The following ANOS1 variants were observed in gnomAD, a reference collection of about 807,000 sequenced individuals.
ANOS1 encodes anosmin-1.
A neutral mutation model predicts 59.0 loss-of-function variants in ANOS1; 6 were observed. The ratio of observed to expected loss-of-function variants is 0.10; its 90% CI spans 0.06 to 0.20. ANOS1 has a LOEUF of 0.20. Ranked by LOEUF, ANOS1 falls within the 10% of genes least tolerant of loss-of-function variation. The pLI is 1.00. For synonymous variants in ANOS1, 217 were observed against 223.4 expected (o/e 0.97, Z 0.25); for missense variants, 433 against 542.3 (o/e 0.80, Z 2.00).
chrX:8,663,006 C>G (rs1461864298), intron 2 of ANOS1, among the ~76,000 whole-genome samples: 2 of 111,060 alleles, frequency 1.8e-5, no homozygotes, highest in African/African-American at 6.6e-5. Flanking sequence ...AAGAGTGAAA[C>G]TCTGTCTCAA....
intron 2 of ANOS1, among the ~76,000 whole-genome samples, chrX:8,675,152 T>C (rs1363336046): frequency 9.0e-6 from 1 of 111,420 alleles, no homozygotes; most frequent in Non-Finnish European, 1.9e-5. Context: ...AAATGAACTT[T>C]GCAAAATCCC....
intron 1 of ANOS1, among the ~76,000 whole-genome samples, chrX:8,713,672 A>ACGCGAT (rs1221338837): frequency 1.9e-5 from 2 of 106,121 alleles, no homozygotes; most frequent in Admixed American, 2.0e-4. Flanking sequence ...GAGTGCAACG[A>ACGCGAT]CGCGATCTCA....
At chrX:8,661,905 C>A (rs924589771) in intron 2 of ANOS1, among the ~76,000 whole-genome samples, 2 of 111,450 alleles carry the variant, frequency 1.8e-5, no homozygotes, top group Non-Finnish European at 3.8e-5. Context: ...CACATCCTCT[C>A]GGGGAAACTG....
chrX:8,590,269 A>G (rs1036370830), intron 4 of ANOS1, among the ~76,000 whole-genome samples: 1 of 111,670 alleles, frequency 9.0e-6, no homozygotes, highest in African/African-American at 3.3e-5. Context: ...TTTGTCACAG[A>G]TATTATCTTT....
rs746715826 is a variant in ANOS1, at chrX:8,676,746, T to C, written c.255+22952A>G. 4.1e-3 allele frequency among the ~76,000 whole-genome samples: 463 copies of C among 111,989 alleles called. 5 individuals carry two copies. Among genetic ancestry groups the C allele is most frequent in the African/African-American group, 0.015 (447 of 30,816 alleles). ...TCTCACCTGTAATAAACAGAGAGCT[T>C]CTCTGTTTTACAGTGTTACAAAATT... is the stretch of plus-strand genomic sequence containing the variant. On this transcript the variant is annotated intron_variant, in intron 2 of 13. Coordinates refer to ENST00000262648, the MANE Select transcript of ANOS1 (RefSeq NM_000216.4).
At chrX:8,633,471 C>CCTT (rs1931523255) in intron 2 of ANOS1, among the ~76,000 whole-genome samples, 1 of 111,782 alleles carries the variant, frequency 8.9e-6, no homozygotes, top group African/African-American at 3.3e-5. Flanking sequence ...ACAAAGCATA[C>CCTT]CTTCTTTGCA....
At position 8,568,393 on chromosome X, in the gene ANOS1, T is replaced by A; in HGVS notation, c.1063-17A>T. 2 of 1,200,391 alleles carry A rather than the reference T, an allele frequency of 1.7e-6. No homozygotes were observed. The highest frequency in any genetic ancestry group is 3.5e-5 in the African/African-American group (2 of 57,561). On this transcript the variant is annotated splice_polypyrimidine_tract_variant and intron_variant, in intron 7 of 13. Coordinates refer to ENST00000262648, the MANE Select transcript of ANOS1 (RefSeq NM_000216.4). ...ATTTTGAAACTAGAAATTAAGAGAA[T>A]ATACCCAAAATGCGTTACAAACCTT...
intron 9 of ANOS1, among the ~76,000 whole-genome samples, chrX:8,552,713 TTA>T (rs1273276009): frequency 9.0e-6 from 1 of 111,234 alleles, no homozygotes; most frequent in Non-Finnish European, 1.9e-5. Flanking sequence ...TTTTATTACA[TTA>T]TGTTTAAAAT....
chrX:8,657,615 C>T (rs772934267), intron 2 of ANOS1, among the ~76,000 whole-genome samples: 10 of 109,514 alleles, frequency 9.1e-5, no homozygotes, highest in Non-Finnish European at 1.1e-4. Context: ...ATTACAGGCA[C>T]GTGCCACCAC....
chrX:8,591,715 C>T (rs1041218108), intron 4 of ANOS1, among the ~76,000 whole-genome samples: 1 of 112,258 alleles, frequency 8.9e-6, no homozygotes, highest in Non-Finnish European at 1.9e-5. Context: ...CAGCGCTCTA[C>T]TGTAATTGTG....
chrX:8,713,694 C>T (rs1932825651), intron 1 of ANOS1, among the ~76,000 whole-genome samples: 2 of 109,443 alleles, frequency 1.8e-5, no homozygotes, highest in South Asian at 8.1e-4. Flanking sequence ...CTCACTGCAA[C>T]CTCCGCCTCC....
At chrX:8,656,159 C>T (rs933494239) in intron 2 of ANOS1, among the ~76,000 whole-genome samples, 1 of 112,595 alleles carries the variant, frequency 8.9e-6, no homozygotes. Flanking sequence ...ACCTGCACAT[C>T]TCCACTTCAT....
chrX:8,583,095 G>A (rs1056386246), intron 6 of ANOS1, among the ~76,000 whole-genome samples: 2 of 107,639 alleles, frequency 1.9e-5, no homozygotes, highest in African/African-American at 3.4e-5. Flanking sequence ...ATCATTTGTC[G>A]ATCACTGTGA....
intron 2 of ANOS1, among the ~76,000 whole-genome samples, chrX:8,694,690 A>C (rs1932657457): frequency 8.9e-6 from 1 of 112,059 alleles, no homozygotes; most frequent in African/African-American, 3.2e-5. Context: ...AATAAAAGTA[A>C]TGTACATTGT....
At chrX:8,555,225 A>C (rs1196024347) in intron 8 of ANOS1, among the ~76,000 whole-genome samples, 1 of 111,769 alleles carries the variant, frequency 8.9e-6, no homozygotes, top group Non-Finnish European at 1.9e-5. Context: ...GACACAGCTA[A>C]AGCAGCGTTT....
intron 2 of ANOS1, among the ~76,000 whole-genome samples, chrX:8,693,457 C>G (rs1371093325): frequency 9.0e-6 from 1 of 111,301 alleles, no homozygotes; most frequent in Non-Finnish European, 1.9e-5. Flanking sequence ...TATTTCCATC[C>G]CAGAGTACCA....
intron 8 of ANOS1, 60 bp downstream of exon 8, chrX:8,568,169 CTTG>C: frequency 1.8e-6 from 2 of 1,128,410 alleles, no homozygotes; most frequent in Non-Finnish European, 2.4e-6. Flanking sequence ...TCCATTGTGC[CTTG>C]TTGTGATATG....
Position 8,532,335 on chromosome X carries a change from G to T in ANOS1, c.*660C>A, listed in dbSNP as rs1200075469. The T allele has an allele frequency of 8.9e-6, 1 of 112,009 alleles. No homozygotes were observed. Among genetic ancestry groups the T allele is most frequent in the African/African-American group, 3.2e-5 (1 of 30,903 alleles). 9.2% of individuals were successfully genotyped at this position (112,009 alleles called of 1,213,427 possible). A position where few individuals can be genotyped will look rare whatever the true frequency, so the allele number is the denominator to read the frequency against. On this transcript the variant is annotated 3_prime_UTR_variant, in exon 14 of 14. Coordinates refer to ENST00000262648, the MANE Select transcript of ANOS1 (RefSeq NM_000216.4). The stretch of plus-strand genomic sequence containing the variant: ...TCTGATTAGCAGCTTATTTCATTGA[G>T]TTCCTCTGGCTTGGGTGTCTTTTGT...
At chrX:8,700,882 G>A (rs5978945) in intron 1 of ANOS1, among the ~76,000 whole-genome samples, 40,741 of 109,905 alleles carry the variant, frequency 0.37, 5,649 homozygotes, top group East Asian at 0.61. Context: ...GGTGGCACAC[G>A]CCTGTAATCC....
Sources: allele counts gnomAD v4.1 joint callset (sites outside exome capture counted in the v4.1 genomes callset), GRCh38; gene constraint gnomAD v4.1.1; transcripts MANE v1.5; gene names NCBI Gene and HGNC (gene_info 2026-07-23, HGNC 2026-07-21).